DPYD: variants seen among roughly 807,000 people sequenced by gnomAD.
DPYD encodes dihydropyrimidine dehydrogenase, also known as dihydropyrimidine dehydrogenase [NADP(+)].
In DPYD, 109 loss-of-function variants were observed where a neutral mutation model predicts 116.2. The ratio of observed to expected loss-of-function variants is 0.94; its 90% CI spans 0.80 to 1.10. The LOEUF is 1.10. DPYD is among the 50% of genes least tolerant of loss of function. DPYD has a pLI of 0.00. For synonymous variants in DPYD, 440 were observed against 432.0 expected (o/e 1.02, Z -0.23); for missense variants, 1,302 against 1,254.5 (o/e 1.04, Z -0.57).
intron 7 of DPYD, among the ~76,000 whole-genome samples, chr1:97,684,815 T>C (rs150479177): frequency 0.013 from 2,024 of 152,200 alleles, 21 homozygotes; most frequent in Middle Eastern, 0.024. Flanking sequence ...AATCCCTGAA[T>C]AGACCAATAA....
At chr1:97,868,526 G>A (rs1364314304) in intron 2 of DPYD, among the ~76,000 whole-genome samples, 1 of 151,784 alleles carries the variant, frequency 6.6e-6, no homozygotes, top group Non-Finnish European at 1.5e-5. Flanking sequence ...ACTACTTAGT[G>A]AGCATTTACC....
intron 20 of DPYD, among the ~76,000 whole-genome samples, chr1:97,170,241 T>G (rs749956220): frequency 1.8e-4 from 27 of 152,208 alleles, no homozygotes; most frequent in Admixed American, 8.5e-4. Context: ...GCAGTTGTGA[T>G]GAGGACACTC....
At position 97,635,861 on chromosome 1, in the gene DPYD, C is replaced by T. The variant is rs191739864; in HGVS notation, c.851-40695G>A. 2.6e-5 allele frequency among the ~76,000 whole-genome samples: 4 copies of T among 152,126 alleles called. No homozygotes were observed. The East Asian group carries it at 5.8e-4, about 22-fold the overall frequency. On this transcript the variant is annotated intron_variant, in intron 8 of 22. Coordinates refer to ENST00000370192, the MANE Select transcript of DPYD (RefSeq NM_000110.4). ...TTGAGACAGGATCTTACTCTGTTGC[C>T]CTGGCTGGAATGCAGTGGTGTGATC...
chr1:97,266,794 C>T (rs894748335), intron 18 of DPYD, among the ~76,000 whole-genome samples: 1 of 151,978 alleles, frequency 6.6e-6, no homozygotes, highest in African/African-American at 2.4e-5. Flanking sequence ...GTTTTTTGGC[C>T]TTGTGATAAT....
At chr1:97,797,212 A>C (rs1667617024) in intron 3 of DPYD, 1 of 152,174 alleles carries the variant, frequency 6.6e-6, no homozygotes, top group African/African-American at 2.4e-5. Flanking sequence ...ATGCTATTGG[A>C]AGCCATACAA....
chr1:97,650,604 A>G (rs1457057262), intron 8 of DPYD, among the ~76,000 whole-genome samples: 1 of 152,146 alleles, frequency 6.6e-6, no homozygotes, highest in Non-Finnish European at 1.5e-5. Flanking sequence ...GAGCTTGCTC[A>G]TAATTACAAC....
At chr1:97,706,773 G>C (rs1444700637) in intron 5 of DPYD, among the ~76,000 whole-genome samples, 1 of 151,976 alleles carries the variant, frequency 6.6e-6, no homozygotes, top group Non-Finnish European at 1.5e-5. Flanking sequence ...CTTACTGAAG[G>C]ATATCTCAAA....
intron 13 of DPYD, among the ~76,000 whole-genome samples, 189 bp downstream of exon 13, chr1:97,515,537 T>C (rs1648152434): frequency 6.6e-6 from 1 of 151,856 alleles, no homozygotes; most frequent in African/African-American, 2.4e-5. Context: ...AAATGAGCAA[T>C]ATATGCCTGC....
In DPYD at chr1:97,261,758, T is replaced by C. The variant is rs548269282; in HGVS notation, c.2300-26764A>G. ...TAATTTATTCCTCATAATAGCTCTA[T>C]GAAGTCTGATTTTTGGCATTATCTT... is the stretch of plus-strand genomic sequence containing the variant. On this transcript the variant is annotated intron_variant, in intron 18 of 22. Coordinates refer to ENST00000370192, the MANE Select transcript of DPYD (RefSeq NM_000110.4). Among the ~76,000 whole-genome samples, 3 of 152,146 alleles carry C rather than the reference T, an allele frequency of 2.0e-5. No individual in the cohort carries two copies. In the South Asian group the frequency reaches 6.2e-4, roughly 32 times the overall value.
intron 18 of DPYD, among the ~76,000 whole-genome samples, chr1:97,287,213 T>C (rs1665752938): frequency 6.6e-6 from 1 of 152,160 alleles, no homozygotes; most frequent in African/African-American, 2.4e-5. Context: ...TTTGCCTGGG[T>C]ATCAGCAGCG....
At chr1:97,261,509 TTTTTTTTA>T (rs960586027) in intron 18 of DPYD, among the ~76,000 whole-genome samples, 7 of 89,700 alleles carry the variant, frequency 7.8e-5, no homozygotes, top group African/African-American at 3.2e-4. Context: ...TTTTTTTTTT[TTTTTTTTA>T]AAAAAGAACG....
chr1:97,285,647 C>T (rs536554134), intron 18 of DPYD, among the ~76,000 whole-genome samples: 1 of 150,832 alleles, frequency 6.6e-6, no homozygotes, highest in African/African-American at 2.4e-5. Flanking sequence ...GCCATTCTGA[C>T]AATTGGCTGA....
intron 2 of DPYD, among the ~76,000 whole-genome samples, chr1:97,869,970 C>T (rs777181330): frequency 6.6e-6 from 1 of 151,778 alleles, no homozygotes; most frequent in African/African-American, 2.4e-5. Context: ...CATGCCCCAG[C>T]CACTGAACAT....
intron 19 of DPYD, among the ~76,000 whole-genome samples, chr1:97,210,808 T>A (rs1479662821): frequency 6.6e-6 from 1 of 152,092 alleles, no homozygotes; most frequent in African/African-American, 2.4e-5. Context: ...AGCCTACTAC[T>A]CCACCAGTCC....
chr1:97,148,938 T>C (rs1654826379), intron 20 of DPYD, among the ~76,000 whole-genome samples: 1 of 152,228 alleles, frequency 6.6e-6, no homozygotes, highest in South Asian at 2.1e-4. Flanking sequence ...TCACTCTAAG[T>C]TTACAACAGA....
chr1:97,597,467 G>A (rs1186936251), intron 8 of DPYD, among the ~76,000 whole-genome samples: 1 of 152,168 alleles, frequency 6.6e-6, no homozygotes, highest in African/African-American at 2.4e-5. Flanking sequence ...CTGTGGTATT[G>A]TATAAGTTCC....
intron 11 of DPYD, among the ~76,000 whole-genome samples, chr1:97,573,414 G>A (rs1006146483): frequency 6.6e-6 from 1 of 152,024 alleles, no homozygotes; most frequent in African/African-American, 2.4e-5. Context: ...ATTGAAGACT[G>A]GCTGTTCCAA....
chr1:97,339,217 T>A (rs1355231873), intron 16 of DPYD, among the ~76,000 whole-genome samples: 1 of 152,052 alleles, frequency 6.6e-6, no homozygotes, highest in African/African-American at 2.4e-5. Flanking sequence ...TAGTTCCAGA[T>A]GGGGAAAACT....
intron 8 of DPYD, among the ~76,000 whole-genome samples, chr1:97,631,763 T>G (rs2100795541): frequency 6.6e-6 from 1 of 152,166 alleles, no homozygotes; most frequent in South Asian, 2.1e-4. Flanking sequence ...TTCTTTAAAG[T>G]TACGGGAGTG....
Sources: allele counts gnomAD v4.1 joint callset (sites outside exome capture counted in the v4.1 genomes callset), GRCh38; gene constraint gnomAD v4.1.1; transcripts MANE v1.5; gene names NCBI Gene and HGNC (gene_info 2026-07-23, HGNC 2026-07-21).